SPATS2: variants seen among roughly 807,000 people sequenced by gnomAD.
SPATS2 encodes spermatogenesis-associated serine-rich protein 2.
SPATS2 carries 38 observed loss-of-function variants against 63.7 expected under a neutral mutation model. The ratio of observed to expected loss-of-function variants is 0.60; its 90% confidence interval spans 0.46 to 0.78. The LOEUF (loss-of-function observed/expected upper bound fraction) is 0.78, where lower values mean the gene tolerates loss of function less well. Among genes scored for constraint, SPATS2 ranks in the 30% least tolerant of loss-of-function variants. The pLI, the probability that SPATS2 is intolerant of heterozygous loss-of-function variation, is 0.00. For missense variants in SPATS2, 588 were observed against 666.2 expected, an observed-to-expected ratio of 0.88 and a Z score of 1.29; for synonymous variants, 207 against 232.9, an observed-to-expected ratio of 0.89 and a Z score of 1.01.
chr12:49,521,908 G>C (rs1012083897), intron 11 of SPATS2, among the ~76,000 whole-genome samples: 1 of 151,836 alleles, frequency 6.6e-6, no homozygotes, highest in Admixed American at 6.6e-5. Context: ...GTTGCTTCCC[G>C]AGAATTCTGA....
rs1390242968 is a variant in SPATS2, at chr12:49,519,053, C to CA, written c.899-19dup. 1 of 1,594,510 alleles carries CA rather than the reference C, an allele frequency of 6.3e-7. No homozygotes were observed. Among genetic ancestry groups the CA allele is most frequent in the Non-Finnish European group, 8.6e-7 (1 of 1,163,562 alleles). On this transcript the variant is annotated intron_variant, in intron 10 of 13. Transcript: ENST00000552918. ...CTATTTAGCAGCAACATAAGGTTCA[C>CA]ACTCACTTTTCCTCTACAGTGGAAA... is the stretch of plus-strand genomic sequence containing the variant.
At chr12:49,394,483 C>A (rs7304456) in intron 2 of SPATS2, among the ~76,000 whole-genome samples, 14,304 of 151,944 alleles carry the variant, frequency 0.094, 801 homozygotes, top group African/African-American at 0.15. Context: ...TAACCTATGA[C>A]CAGATAGATA....
Position 49,376,757 on chromosome 12 carries a change from G to A in SPATS2, c.-244+5467G>A, listed in dbSNP as rs570556196. 6.1e-5 allele frequency among the ~76,000 whole-genome samples: 7 copies of A among 115,140 alleles called. No individual in the cohort carries two copies. The East Asian group carries it at 8.9e-4, about 15-fold the overall frequency. The allele number at this position is 115,140 out of a possible 152,430, so 75.5% of individuals were successfully genotyped here. On this transcript the variant is annotated intron_variant, in intron 2 of 13. Transcript: ENST00000552918. ...TTTTGAGACGGAGTCTCACTCTGTC[G>A]CCCAGGCTGGAGTGCAGTGGTGCGA...
intron 3 of SPATS2, among the ~76,000 whole-genome samples, chr12:49,468,174 T>C (rs542572053): frequency 9.8e-4 from 149 of 151,332 alleles, no homozygotes; most frequent in South Asian, 6.9e-3. Flanking sequence ...TTTCTTTTTT[T>C]TTTTGAAATG....
rs186109545 is a variant in SPATS2 at position 49,383,689 on chromosome 12, A to G, written c.-244+12399A>G. Among the ~76,000 whole-genome samples, 7 of 152,314 alleles carry G rather than the reference A, an allele frequency of 4.6e-5. No individual in the cohort carries two copies. The South Asian group carries it at 1.5e-3, about 32-fold the overall frequency. On this transcript the variant is annotated intron_variant, in intron 2 of 13. Coordinates refer to ENST00000552918, the MANE Select transcript of SPATS2 (RefSeq NM_023071.4). ...AGTGTTGCGCTTATAGACATGAGCCATCTTGCCCGACCCACTTTATTCTTC... is the reference window on the plus strand; with the variant it reads ...AGTGTTGCGCTTATAGACATGAGCCGTCTTGCCCGACCCACTTTATTCTTC...
chr12:49,393,614 A>G (rs1310708957), intron 2 of SPATS2, among the ~76,000 whole-genome samples: 1 of 152,208 alleles, frequency 6.6e-6, no homozygotes, highest in Non-Finnish European at 1.5e-5. Flanking sequence ...GAGTGTGATT[A>G]TAAATTAATG....
rs567245496 is a variant in SPATS2, at chr12:49,494,788, C to T, written c.312C>T (p.Asn104=). 36 of 1,610,326 alleles carry T rather than the reference C, an allele frequency of 2.2e-5. No individual in the cohort carries two copies. The South Asian group carries it at 2.3e-4, about 10-fold the overall frequency. The change falls in exon 7 of 14, where the codon AAC becomes AAT. Residue 104 remains asparagine, a synonymous_variant. Coordinates refer to ENST00000552918, the MANE Select transcript of SPATS2 (RefSeq NM_023071.4). ...NKPKPAAEPS[N]GIPDSSKSVS... The stretch of plus-strand genomic sequence containing the variant: ...CGAAACCTGCCGCAGAACCAAGTAA[C>T]GGCATCCCAGATTCCAGTAAATCAG...
At chr12:49,505,623 A>C (rs1008664197) in intron 9 of SPATS2, among the ~76,000 whole-genome samples, 1 of 152,210 alleles carries the variant, frequency 6.6e-6, no homozygotes, top group Non-Finnish European at 1.5e-5. Flanking sequence ...AGGAATGCTC[A>C]ACCAGTAATA....
rs1295924300 is a variant in SPATS2, at chr12:49,385,097, C to CCG, written c.-244+13807_-244+13808insCG. Among the ~76,000 whole-genome samples the CCG allele has an allele frequency of 5.3e-5, 8 of 152,244 alleles. No individual in the cohort carries two copies. In the South Asian group the frequency reaches 6.2e-4, roughly 12 times the overall value. ...GTGCTAGGATTACAGGTGTGACCCA[C>CCG]TGCACCCAGTCCATTCATTTCTTTA... is the stretch of plus-strand genomic sequence containing the variant. On this transcript the variant is annotated intron_variant, in intron 2 of 13. Coordinates refer to ENST00000552918, the MANE Select transcript of SPATS2 (RefSeq NM_023071.4).
chr12:49,491,999 C>G (rs1946390604), intron 6 of SPATS2, among the ~76,000 whole-genome samples: 1 of 152,170 alleles, frequency 6.6e-6, no homozygotes. Context: ...TCTTACATCA[C>G]TTTTTAGGAG....
At chr12:49,380,000 C>T (rs542733209) in intron 2 of SPATS2, among the ~76,000 whole-genome samples, 2 of 152,266 alleles carry the variant, frequency 1.3e-5, no homozygotes, top group East Asian at 3.9e-4. Context: ...CTCCTCTCAT[C>T]TCTGGCAACC....
intron 2 of SPATS2, among the ~76,000 whole-genome samples, chr12:49,457,161 T>A (rs536318213): frequency 6.6e-6 from 1 of 152,180 alleles, no homozygotes; most frequent in African/African-American, 2.4e-5. Context: ...AGGAGGAATC[T>A]GCTTTTGGTT....
intron 9 of SPATS2, among the ~76,000 whole-genome samples, chr12:49,511,687 C>G (rs1290988767): frequency 7.2e-5 from 11 of 152,158 alleles, no homozygotes; most frequent in Admixed American, 2.6e-4. Flanking sequence ...CACATACATA[C>G]TGGAACCATT....
chr12:49,501,382 C>G (rs986215995), intron 9 of SPATS2, among the ~76,000 whole-genome samples: 5 of 152,142 alleles, frequency 3.3e-5, no homozygotes, highest in African/African-American at 1.2e-4. Flanking sequence ...ACTCAATTTT[C>G]TAATGAACCC....
chr12:49,440,034 C>T (rs1394459811), intron 2 of SPATS2, among the ~76,000 whole-genome samples: 2 of 152,166 alleles, frequency 1.3e-5, no homozygotes, highest in South Asian at 2.1e-4. Context: ...TGAAAAGTTA[C>T]GAGAATAATA....
At chr12:49,454,589 A>T (rs1433039866) in intron 2 of SPATS2, among the ~76,000 whole-genome samples, 1 of 152,214 alleles carries the variant, frequency 6.6e-6, no homozygotes, top group East Asian at 1.9e-4. Context: ...AAGTTTAAAA[A>T]TATCCATTAT....
chr12:49,446,283 C>T (rs1279729909), intron 2 of SPATS2, among the ~76,000 whole-genome samples: 1 of 152,190 alleles, frequency 6.6e-6, no homozygotes, highest in African/African-American at 2.4e-5. Context: ...TCCATTGCTG[C>T]TGTAACAAAT....
At chr12:49,418,443 G>T (rs1184513281) in intron 2 of SPATS2, among the ~76,000 whole-genome samples, 1 of 151,984 alleles carries the variant, frequency 6.6e-6, no homozygotes, top group Admixed American at 6.6e-5. Flanking sequence ...GGGATTACAG[G>T]TGCCTGCCAC....
At chr12:49,421,925 T>C (rs1329856070) in intron 2 of SPATS2, among the ~76,000 whole-genome samples, 2 of 152,194 alleles carry the variant, frequency 1.3e-5, no homozygotes, top group African/African-American at 4.8e-5. Flanking sequence ...TAATGATAAT[T>C]TGAAGGGAGG....
Sources: allele counts gnomAD v4.1 joint callset (sites outside exome capture counted in the v4.1 genomes callset), GRCh38; gene constraint gnomAD v4.1.1; transcripts MANE v1.5; gene names NCBI Gene and HGNC (gene_info 2026-07-23, HGNC 2026-07-21).